The following RNF43 variants were observed in gnomAD, a reference collection of about 807,000 sequenced individuals.
RNF43 encodes ring finger protein 43.
Under a neutral mutation model 78.4 loss-of-function variants are expected in RNF43, and 37 were observed. That is an observed-to-expected ratio of 0.47 (90% CI 0.36 to 0.62). RNF43 has a LOEUF of 0.62. RNF43 is among the 20% of genes least tolerant of loss of function. The pLI, the probability that RNF43 is intolerant of heterozygous loss-of-function variation, is 0.00. For missense variants in RNF43, 774 were observed against 1,007.9 expected, an observed-to-expected ratio of 0.77 and a Z score of 3.14; for synonymous variants, 347 against 395.0, an observed-to-expected ratio of 0.88 and a Z score of 1.44.
intron 2 of RNF43, among the ~76,000 whole-genome samples, chr17:58,410,702 T>C (rs3785492): frequency 0.19 from 29,271 of 152,136 alleles, 2,919 homozygotes; most frequent in Non-Finnish European, 0.21. Context: ...GGTGATGAAA[T>C]ATGTTACATT....
rs1020072392 is a variant in RNF43 at position 58,384,398 on chromosome 17, T to C, written c.253-13365A>G. ...GCAATGAGGATCAATAGCAGCACTTTTGATTTGTACACTGTTATCAAGGTA... is the reference window on the plus strand; with the variant it reads ...GCAATGAGGATCAATAGCAGCACTTCTGATTTGTACACTGTTATCAAGGTA... On this transcript the variant is annotated intron_variant, in intron 2 of 9. Transcript: ENST00000407977. Among the ~76,000 whole-genome samples, 3 of 152,238 alleles carry C rather than the reference T, an allele frequency of 2.0e-5. No homozygotes were observed. The South Asian group carries it at 6.2e-4, about 32-fold the overall frequency.
At chr17:58,352,806 T>C, downstream of RNF43, 1 of 219,726 alleles carries the variant, frequency 4.6e-6, no homozygotes. Flanking sequence ...AATTTATACT[T>C]TGCGCAGTTC....
intron 3 of RNF43, among the ~76,000 whole-genome samples, chr17:58,366,386 C>T (rs531519102): frequency 2.6e-5 from 4 of 152,328 alleles, no homozygotes; most frequent in African/African-American, 9.6e-5. Context: ...GAAACCTGGA[C>T]TTAGCAGAAG....
intron 3 of RNF43, among the ~76,000 whole-genome samples, chr17:58,365,203 G>C (rs1972925350): frequency 6.6e-6 from 1 of 152,108 alleles, no homozygotes; most frequent in African/African-American, 2.4e-5. Flanking sequence ...CCAATCTTCA[G>C]AACCCTCCTA....
At chr17:58,393,310 G>A (rs1011593930) in intron 2 of RNF43, among the ~76,000 whole-genome samples, 1 of 152,120 alleles carries the variant, frequency 6.6e-6, no homozygotes, top group Non-Finnish European at 1.5e-5. Flanking sequence ...GGAACGCTGA[G>A]GCAGGAGAAT....
At chr17:58,367,702 G>A (rs1972986300) in intron 3 of RNF43, among the ~76,000 whole-genome samples, 1 of 152,222 alleles carries the variant, frequency 6.6e-6, no homozygotes, top group African/African-American at 2.4e-5. Context: ...TGGGTGACTG[G>A]ACAGAGGGTG....
At chr17:58,407,182 G>A (rs892694072) in intron 2 of RNF43, among the ~76,000 whole-genome samples, 4 of 146,156 alleles carry the variant, frequency 2.7e-5, no homozygotes, top group African/African-American at 5.0e-5. Flanking sequence ...AGATTCAAGC[G>A]ATTCTCCTGC....
intron 9 of RNF43, 121 bp from the exon 10 acceptor site, chr17:58,355,107 T>C: frequency 1.1e-6 from 1 of 887,512 alleles, no homozygotes; most frequent in Non-Finnish European, 1.9e-6. Context: ...AGAGACTGTC[T>C]GGAAAGGGTG....
In RNF43 at chr17:58,360,883, G is replaced by T. The variant is rs1278447549; in HGVS notation, c.749C>A (p.Ala250Asp). The T allele has an allele frequency of 1.9e-6, 3 of 1,611,158 alleles. No homozygotes were observed. Among genetic ancestry groups the T allele is most frequent in the Non-Finnish European group, 1.7e-6 (2 of 1,178,476 alleles). ...ISQLATRRYQ[A>D]SCRQARGEWP... ...CTCACCCCGGGCCTGCCTGCAGCTG[G>T]CCTGGTACCTCCTGGTGGCCAGCTG... The change falls in exon 7 of 10, where the codon GCC becomes GAC. Residue 250 changes from alanine to aspartate, a missense_variant. By Grantham distance (126) the Ala-to-Asp change is moderately radical (BLOSUM62 -2). Coordinates refer to ENST00000407977, the MANE Select transcript of RNF43 (RefSeq NM_017763.6). The surrounding 1 kb of genome is among the most constrained non-coding windows in gnomAD (Gnocchi z 4.3).
In RNF43 at chr17:58,360,268, G is replaced by C; in HGVS notation, c.850-17C>G. 1 of 1,598,638 alleles carries C rather than the reference G, an allele frequency of 6.3e-7. No homozygotes were observed. Among genetic ancestry groups the C allele is most frequent in the Non-Finnish European group, 8.6e-7 (1 of 1,165,942 alleles). On this transcript the variant is annotated splice_polypyrimidine_tract_variant and intron_variant, in intron 7 of 9. Coordinates refer to ENST00000407977, the MANE Select transcript of RNF43 (RefSeq NM_017763.6). This position sits in a 1 kb window ranked among gnomAD's most constrained non-coding sequence, Gnocchi z 4.3. ...CCGTAGCTCCTGGAGAAAAAGAGGG[G>C]GTCCAAACCAAAGGCTTCTGTAGCC...
In RNF43 at chr17:58,358,575, C is replaced by T. The variant is rs990372544; in HGVS notation, c.1201G>A (p.Glu401Lys). The T allele has an allele frequency of 6.9e-6, 11 of 1,600,592 alleles. No homozygotes were observed. Among genetic ancestry groups the T allele is most frequent in the African/African-American group, 2.7e-5 (2 of 74,762 alleles). The change falls in exon 9 of 10, where the codon GAG (glutamate) becomes AAG (lysine). Residue 401 changes from glutamate to lysine, a missense_variant. By Grantham distance (56) the Glu-to-Lys change is moderately conservative. Transcript: ENST00000407977. This position sits in a 1 kb window ranked among gnomAD's most constrained non-coding sequence, Gnocchi z 6.2. The stretch of plus-strand genomic sequence containing the variant: ...TGGGCTCCTGCCAGGCGCTGCTGCT[C>T]TCCTGGAGCCCGGGGATGTGCAGCT... ...PRAAHPRAPG[E>K]QQRLAGAQHP... is the part of the protein sequence containing the mutation.
intron 2 of RNF43, among the ~76,000 whole-genome samples, chr17:58,389,170 G>T (rs531274123): frequency 6.6e-6 from 1 of 152,126 alleles, no homozygotes; most frequent in Admixed American, 6.6e-5. Context: ...AGTACTGCAC[G>T]ATCAGAGCTT....
intron 3 of RNF43, among the ~76,000 whole-genome samples, chr17:58,367,235 G>A (rs970305573): frequency 6.6e-5 from 10 of 152,012 alleles, no homozygotes; most frequent in Non-Finnish European, 1.2e-4. Context: ...TCCTGACCTC[G>A]TGATCCACCT....
Position 58,360,028 on chromosome 17 carries a change from T to C in RNF43, c.952+121A>G. 2 of 736,330 alleles carry C rather than the reference T, an allele frequency of 2.7e-6. No individual in the cohort carries two copies. Among genetic ancestry groups the C allele is most frequent in the Non-Finnish European group, 4.9e-6 (2 of 407,616 alleles). 45.6% of individuals were successfully genotyped at this position (736,330 alleles called of 1,614,324 possible). A position where few individuals can be genotyped will look rare whatever the true frequency, so the allele number is the denominator to read the frequency against. ...GCACTCTGGAGCAGTGTACAGCCCA[T>C]ACAACTATGGTGGCAGTTCTGCTTT... On this transcript the variant is annotated intron_variant, in intron 8 of 9. Coordinates refer to ENST00000407977, the MANE Select transcript of RNF43 (RefSeq NM_017763.6). The surrounding 1 kb of genome is among the most constrained non-coding windows in gnomAD (Gnocchi z 4.3).
At position 58,370,994 on chromosome 17, in the gene RNF43, TGTC is replaced by T. The variant is rs2143515587; in HGVS notation, c.289_291del (p.Asp97del). ...ATGCTGATGAATCCAGGCTCCAGAT[TGTC>T]GTCATCACTGGCATTGCACAGGTAC... On this transcript the variant is annotated inframe_deletion, in exon 3 of 10. Coordinates refer to ENST00000407977, the MANE Select transcript of RNF43 (RefSeq NM_017763.6). 1 of 1,611,154 alleles carries T rather than the reference TGTC, an allele frequency of 6.2e-7. No individual in the cohort carries two copies. The highest frequency in any genetic ancestry group is 8.5e-7 in the Non-Finnish European group (1 of 1,178,252).
intron 3 of RNF43, among the ~76,000 whole-genome samples, chr17:58,365,220 G>A (rs952765576): frequency 6.6e-6 from 1 of 152,134 alleles, no homozygotes; most frequent in African/African-American, 2.4e-5. Flanking sequence ...CCTAACAAGG[G>A]TAAGGGAGAA....
chr17:58,356,579 A>G (rs1972688202), intron 9 of RNF43, among the ~76,000 whole-genome samples: 2 of 152,160 alleles, frequency 1.3e-5, no homozygotes, highest in Admixed American at 1.3e-4. Context: ...TGTTGAAGGG[A>G]AGTCCTCCTT....
At chr17:58,412,438 T>C (rs1275145298) in intron 2 of RNF43, among the ~76,000 whole-genome samples, 1 of 152,146 alleles carries the variant, frequency 6.6e-6, no homozygotes, top group Admixed American at 6.5e-5. Flanking sequence ...TATTACAATT[T>C]ATAATTTTGA....
intron 2 of RNF43, among the ~76,000 whole-genome samples, chr17:58,404,945 T>C (rs190505409): frequency 2.6e-5 from 4 of 151,308 alleles, no homozygotes; most frequent in Admixed American, 2.6e-4. Context: ...AGCCATGGTA[T>C]CTAGTCATTC....
Sources: gnomAD v4.1 joint callset for allele counts (sites outside exome capture counted in the v4.1 genomes callset) on GRCh38, gnomAD v4.1.1 for gene constraint, Gnocchi (gnomAD v3.1) non-coding constraint, MANE v1.5 for transcripts, NCBI Gene and HGNC (gene_info 2026-07-23, HGNC 2026-07-21) for gene names.